Variants in SCRN1 observed in about 807,000 individuals in gnomAD.
The protein encoded by SCRN1 is secernin 1.
In SCRN1, 19 loss-of-function variants were observed where a neutral mutation model predicts 43.3. That is an observed-to-expected ratio of 0.44 (90% CI 0.31 to 0.64). The LOEUF (loss-of-function observed/expected upper bound fraction) is 0.64, where lower values mean the gene tolerates loss of function less well. Among genes scored for constraint, SCRN1 ranks in the 30% least tolerant of loss-of-function variants. SCRN1 has a pLI of 0.09. For missense variants in SCRN1, 447 were observed against 524.1 expected (o/e 0.85, Z 1.44); for synonymous variants, 183 against 188.9 (o/e 0.97, Z 0.26).
intron 1 of SCRN1, among the ~76,000 whole-genome samples, chr7:29,981,415 G>A (rs373295657): frequency 9.9e-5 from 15 of 152,208 alleles, no homozygotes; most frequent in Admixed American, 9.8e-4. Flanking sequence ...ACACAACCAA[G>A]AGAGAAAGTT....
chr7:29,959,193 C>A (rs1053237362), intron 2 of SCRN1, among the ~76,000 whole-genome samples: 1 of 152,156 alleles, frequency 6.6e-6, no homozygotes, highest in South Asian at 2.1e-4. Flanking sequence ...AACCATTGTG[C>A]CTTTCGTACT....
Position 29,940,737 on chromosome 7 carries a change from T to G in SCRN1, c.684A>C (p.Pro228=). Residue 228 remains proline (P), a synonymous_variant, in exon 5 of 8, where the codon CCA becomes CCC. Coordinates refer to ENST00000242059, the MANE Select transcript of SCRN1 (RefSeq NM_014766.5). ...CACCGCAGTCTAGATGATCCTCAACTGGAGAAAAGACTTCGGAAAAATTGA... is the reference window on the plus strand; with the variant it reads ...CACCGCAGTCTAGATGATCCTCAACGGGAGAAAAGACTTCGGAAAAATTGA... ...GEFNFSEVFS[P]VEDHLDCGAG... is the part of the protein sequence containing the mutation. 2 of 1,607,924 alleles carry G rather than the reference T, an allele frequency of 1.2e-6. No individual in the cohort carries two copies. The highest frequency in any genetic ancestry group is 1.7e-6 in the Non-Finnish European group (2 of 1,178,386).
intron 2 of SCRN1, among the ~76,000 whole-genome samples, chr7:29,963,753 A>T (rs1297066812): frequency 6.6e-6 from 1 of 152,220 alleles, no homozygotes; most frequent in Non-Finnish European, 1.5e-5. Flanking sequence ...GCATCTACCA[A>T]TAGAGCACTA....
At position 29,920,312 on chromosome 7, in the gene SCRN1, A is replaced by G. The variant is rs1786711863; in HGVS notation, c.*3645T>C. On this transcript the variant is annotated 3_prime_UTR_variant, in exon 8 of 8. Coordinates refer to ENST00000242059, the MANE Select transcript of SCRN1 (RefSeq NM_014766.5). Reference sequence around the variant, plus strand: ...GCCAATAGCATTTTCCATCTAACACATTTAAATTCTCACAGCATAATTGCA... The same window carrying G: ...GCCAATAGCATTTTCCATCTAACACGTTTAAATTCTCACAGCATAATTGCA... 6.6e-6 allele frequency: 1 copy of G among 152,198 alleles called. No homozygotes were observed. Among genetic ancestry groups the G allele is most frequent in the Admixed American group, 6.6e-5 (1 of 15,256 alleles). The allele number at this position is 152,198 out of a possible 1,614,324, so 9.4% of individuals were successfully genotyped here.
chr7:29,925,719 G>C (rs1304945372), intron 7 of SCRN1, among the ~76,000 whole-genome samples: 1 of 151,946 alleles, frequency 6.6e-6, no homozygotes, highest in Non-Finnish European at 1.5e-5. Context: ...TTAAAACTAG[G>C]AATATGAGTC....
Position 29,963,695 on chromosome 7 carries a change from C to A in SCRN1, c.159+5214G>T, listed in dbSNP as rs914695226. Among the ~76,000 whole-genome samples the A allele has an allele frequency of 3.3e-5, 5 of 152,296 alleles. No individual in the cohort carries two copies. In the East Asian group the frequency reaches 9.6e-4, roughly 29 times the overall value. ...CACAAAATGACTTATGTACAAGGTT[C>A]TCCACAGCTGCACTTTCTGGACTAG... On this transcript the variant is annotated intron_variant, in intron 2 of 7. Coordinates refer to ENST00000242059, the MANE Select transcript of SCRN1 (RefSeq NM_014766.5).
In SCRN1 at chr7:29,950,459, G is replaced by A. The variant is rs771980271; in HGVS notation, c.341+4720C>T. ...GCACGTTGATGGCAGGAGGCAGACA[G>A]TTTCCTGGGCGGAAAGGAGCAGGTC... On this transcript the variant is annotated intron_variant, in intron 3 of 7. Coordinates refer to ENST00000242059, the MANE Select transcript of SCRN1 (RefSeq NM_014766.5). This position sits in a 1 kb window ranked among gnomAD's most constrained non-coding sequence, Gnocchi z 4.5. 5.9e-5 allele frequency among the ~76,000 whole-genome samples: 9 copies of A among 152,242 alleles called. No homozygotes were observed. Among genetic ancestry groups the A allele is most frequent in the South Asian group, 2.1e-4 (1 of 4,832 alleles).
intron 1 of SCRN1, among the ~76,000 whole-genome samples, chr7:29,976,024 T>C (rs1476487016): frequency 1.3e-5 from 2 of 152,246 alleles, no homozygotes; most frequent in Non-Finnish European, 2.9e-5. Flanking sequence ...AGGTATCATG[T>C]AGCTGGTACA....
chr7:29,954,873 G>A (rs1425983730), intron 3 of SCRN1, among the ~76,000 whole-genome samples: 2 of 152,238 alleles, frequency 1.3e-5, no homozygotes, highest in Non-Finnish European at 1.5e-5. Flanking sequence ...TAGAGACGGG[G>A]TTTCACCATG....
At chr7:29,989,975 GAGC>G, upstream of SCRN1, 1 of 1,402,004 alleles carries the variant, frequency 7.1e-7, no homozygotes, top group Non-Finnish European at 9.3e-7. Context: ...GGAGCTGGAG[GAGC>G]GGCCGAGAGG....
chr7:29,946,881 C>T (rs1787754941), intron 3 of SCRN1, among the ~76,000 whole-genome samples: 1 of 152,246 alleles, frequency 6.6e-6, no homozygotes, highest in Non-Finnish European at 1.5e-5. Context: ...GCAGATGAAT[C>T]CCATGTCACT....
At chr7:29,981,510 T>TG (rs1583700360) in intron 1 of SCRN1, among the ~76,000 whole-genome samples, 1 of 152,326 alleles carries the variant, frequency 6.6e-6, no homozygotes, top group East Asian at 1.9e-4. Flanking sequence ...ATTAAGCACT[T>TG]GGAGATTTAG....
chr7:29,959,194 C>T (rs572292588), intron 2 of SCRN1, among the ~76,000 whole-genome samples: 17 of 152,282 alleles, frequency 1.1e-4, no homozygotes, highest in African/African-American at 3.9e-4. Context: ...ACCATTGTGC[C>T]TTTCGTACTG....
At chr7:29,954,073 C>A (rs1221287086) in intron 3 of SCRN1, among the ~76,000 whole-genome samples, 1 of 152,138 alleles carries the variant, frequency 6.6e-6, no homozygotes, top group African/African-American at 2.4e-5. Flanking sequence ...TTCCAGCCTA[C>A]CTTCTACTTT....
At position 29,944,259 on chromosome 7, in the gene SCRN1, G is replaced by T; in HGVS notation, c.342-80C>A. The T allele has an allele frequency of 5.3e-6, 7 of 1,310,638 alleles. No individual in the cohort carries two copies. In the South Asian group the frequency reaches 6.1e-5, roughly 11 times the overall value. The allele number at this position is 1,310,638 out of a possible 1,614,324, so 81.2% of individuals were successfully genotyped here. A position where few individuals can be genotyped will look rare whatever the true frequency, so the allele number is the denominator to read the frequency against. On this transcript the variant is annotated intron_variant, in intron 3 of 7. Coordinates refer to ENST00000242059, the MANE Select transcript of SCRN1 (RefSeq NM_014766.5). ...ACTAGAGTAACCAAAGACTGGGCAAGGCCGAGTTATGAAGCATGCCAACAT... is the reference window on the plus strand; with the variant it reads ...ACTAGAGTAACCAAAGACTGGGCAATGCCGAGTTATGAAGCATGCCAACAT...
At chr7:29,927,465 C>T (rs1424493284) in intron 6 of SCRN1, among the ~76,000 whole-genome samples, 2 of 150,916 alleles carry the variant, frequency 1.3e-5, no homozygotes, top group East Asian at 2.0e-4. Flanking sequence ...ACTGTAACGC[C>T]GGGGAGAGAG....
intron 1 of SCRN1, 176 bp from the exon 2 acceptor site, chr7:29,969,244 G>C: frequency 1.8e-5 from 11 of 609,344 alleles, no homozygotes; most frequent in South Asian, 4.8e-5. Flanking sequence ...TGGAATGACA[G>C]AGCCACCGAG....
chr7:29,959,683 G>A (rs1456279941), intron 2 of SCRN1, among the ~76,000 whole-genome samples: 1 of 152,174 alleles, frequency 6.6e-6, no homozygotes, highest in Non-Finnish European at 1.5e-5. Context: ...AGAAGGTGCT[G>A]AGATCAGAGG....
At chr7:29,954,233 G>A (rs555506209) in intron 3 of SCRN1, among the ~76,000 whole-genome samples, 2 of 152,026 alleles carry the variant, frequency 1.3e-5, no homozygotes, top group Non-Finnish European at 2.9e-5. Flanking sequence ...GGCTGGGAGA[G>A]GGGAAAAAGG....
Sources: allele counts gnomAD v4.1 joint callset (sites outside exome capture counted in the v4.1 genomes callset), GRCh38; gene constraint gnomAD v4.1.1; non-coding constraint Gnocchi (gnomAD v3.1); transcripts MANE v1.5; gene names NCBI Gene and HGNC (gene_info 2026-07-23, HGNC 2026-07-21).